DISP1: variants seen among roughly 807,000 people sequenced by gnomAD.
DISP1 encodes the protein protein dispatched homolog 1.
In DISP1, 30 loss-of-function variants were observed where a neutral mutation model predicts 37.3. The observed-to-expected ratio is 0.80, with a 90% CI of 0.60 to 1.09. The LOEUF (loss-of-function observed/expected upper bound fraction) is 1.09, where lower values mean the gene tolerates loss of function less well. Ranked by LOEUF, DISP1 falls within the 50% of genes least tolerant of loss-of-function variation. The pLI, the probability that DISP1 is intolerant of heterozygous loss-of-function variation, is 0.00. For synonymous variants in DISP1, 634 were observed against 690.2 expected (o/e 0.92, Z 1.28); for missense variants, 1,598 against 1,879.5 (o/e 0.85, Z 2.77).
At chr1:223,001,117 A>G (rs1176157441) in intron 8 of DISP1, among the ~76,000 whole-genome samples, 1 of 152,180 alleles carries the variant, frequency 6.6e-6, no homozygotes, top group Non-Finnish European at 1.5e-5. Flanking sequence ...ACTTTAATCT[A>G]GCAAACCAGT....
At chr1:222,998,263 T>C (rs1330789169) in intron 8 of DISP1, among the ~76,000 whole-genome samples, 2 of 151,384 alleles carry the variant, frequency 1.3e-5, no homozygotes, top group African/African-American at 4.9e-5. Context: ...CTGGTTGTTA[T>C]ATGGAAGCAC....
intron 4 of DISP1, among the ~76,000 whole-genome samples, chr1:222,986,118 T>C (rs1678256220): frequency 6.6e-6 from 1 of 152,112 alleles, no homozygotes; most frequent in African/African-American, 2.4e-5. Flanking sequence ...GAATAGTTAG[T>C]TGACTTGGGC....
rs1305161868 is a variant in DISP1 at position 222,839,819 on chromosome 1, G to C, written c.-159+24741G>C. Among the ~76,000 whole-genome samples the C allele has an allele frequency of 2.6e-5, 4 of 152,026 alleles. No homozygotes were observed. In the East Asian group the frequency reaches 7.7e-4, roughly 29 times the overall value. On this transcript the variant is annotated intron_variant, in intron 1 of 8. Coordinates refer to ENST00000675850, the MANE Select transcript of DISP1 (RefSeq NM_001377229.1). ...ATGGTGGCATGCGCCTGTAGTCCCA[G>C]GTACTCGGGAGGCTGAGGCAGGGGA...
intron 2 of DISP1, among the ~76,000 whole-genome samples, chr1:222,935,407 G>A (rs780046266): frequency 6.6e-6 from 1 of 152,116 alleles, no homozygotes; most frequent in Non-Finnish European, 1.5e-5. Context: ...TTATCAGAAA[G>A]CTCTCAAGAC....
At chr1:222,944,517 A>G (rs950842623) in intron 3 of DISP1, among the ~76,000 whole-genome samples, 10 of 152,254 alleles carry the variant, frequency 6.6e-5, no homozygotes, top group African/African-American at 2.4e-4. Flanking sequence ...GGAAATGTAC[A>G]GATTAATTAT....
chr1:222,989,650 G>A (rs1678540154), intron 4 of DISP1: 5 of 732,846 alleles, frequency 6.8e-6, no homozygotes, highest in African/African-American at 5.7e-5. Context: ...GAGAGTACAA[G>A]CATCAGATGT....
chr1:222,962,012 GAAAAA>G (rs147361599), intron 3 of DISP1, among the ~76,000 whole-genome samples: 1 of 149,154 alleles, frequency 6.7e-6, no homozygotes, highest in East Asian at 2.0e-4. Flanking sequence ...CTCAAAAAAA[GAAAAA>G]AAAAGAAGAA....
At chr1:222,823,909 T>C (rs1032089555) in intron 1 of DISP1, 3 of 149,612 alleles carry the variant, frequency 2.0e-5, no homozygotes, top group African/African-American at 7.4e-5. Context: ...GGAAGAATAA[T>C]GGGAGGAGAC....
chr1:222,950,922 C>T (rs1465613418), intron 3 of DISP1, among the ~76,000 whole-genome samples: 5 of 152,148 alleles, frequency 3.3e-5, no homozygotes, highest in South Asian at 2.1e-4. Context: ...CCTTTTAATT[C>T]GGTGTTGCAA....
chr1:222,881,977 A>G (rs982688790), intron 1 of DISP1, among the ~76,000 whole-genome samples: 11 of 152,242 alleles, frequency 7.2e-5, no homozygotes, highest in African/African-American at 2.4e-4. Flanking sequence ...TAAAAAAGGC[A>G]GTTAAGAAGA....
intron 1 of DISP1, among the ~76,000 whole-genome samples, chr1:222,900,858 C>T (rs1210925673): frequency 6.6e-6 from 1 of 152,100 alleles, no homozygotes; most frequent in East Asian, 1.9e-4. Flanking sequence ...GAAATCTATG[C>T]ACTATTTCTA....
chr1:222,926,134 A>G (rs535119985), intron 1 of DISP1, among the ~76,000 whole-genome samples: 9 of 152,174 alleles, frequency 5.9e-5, no homozygotes, highest in Admixed American at 2.0e-4. Context: ...TTTTGTCTCT[A>G]TGGATTTGCC....
At position 222,893,572 on chromosome 1, in the gene DISP1, C is replaced by A. The variant is rs1188962581; in HGVS notation, c.-158-34858C>A. On this transcript the variant is annotated intron_variant, in intron 1 of 8. Transcript: ENST00000675850. The surrounding 1 kb of genome is among the most constrained non-coding windows in gnomAD (Gnocchi z 4.3). ...TCAGCTGCTGTGGCAGGGCGGGCAG[C>A]CCCAGGCGCCGGCACTGACTCCATG... Among the ~76,000 whole-genome samples, 1 of 152,214 alleles carries A rather than the reference C, an allele frequency of 6.6e-6. No individual in the cohort carries two copies. The highest frequency in any genetic ancestry group is 6.5e-5 in the Admixed American group (1 of 15,288).
At chr1:222,819,635 G>A (rs539717698) in intron 1 of DISP1, among the ~76,000 whole-genome samples, 1 of 151,206 alleles carries the variant, frequency 6.6e-6, no homozygotes, top group East Asian at 1.9e-4. Flanking sequence ...CGCCTCCTGG[G>A]TTCAAACGAT....
At chr1:222,968,846 T>C (rs978651799) in intron 3 of DISP1, among the ~76,000 whole-genome samples, 8 of 152,100 alleles carry the variant, frequency 5.3e-5, no homozygotes, top group Admixed American at 5.2e-4. Flanking sequence ...GGCAGGAGAA[T>C]CGCTTGAGCT....
At position 222,936,784 on chromosome 1, in the gene DISP1, TAA is replaced by T. The variant is rs1491438063; in HGVS notation, c.-17-6022_-17-6021del. On this transcript the variant is annotated intron_variant, in intron 2 of 8. Coordinates refer to ENST00000675850, the MANE Select transcript of DISP1 (RefSeq NM_001377229.1). ...ATATAAAAATTATATATATCATATA[TAA>T]TATATATAATATATTATATATATAA... 2.2e-3 allele frequency among the ~76,000 whole-genome samples: 177 copies of T among 78,908 alleles called. 3 individuals carry two copies. The highest frequency in any genetic ancestry group is 8.1e-3 in the African/African-American group (161 of 19,794). The allele number at this position is 78,908 out of a possible 152,430, so 51.8% of individuals were successfully genotyped here.
intron 1 of DISP1, among the ~76,000 whole-genome samples, chr1:222,866,103 C>T (rs72742230): frequency 0.08 from 12,118 of 151,718 alleles, 547 homozygotes; most frequent in Admixed American, 0.13. Flanking sequence ...TCTTTTCCTC[C>T]TTTGAAAAAA....
At chr1:222,965,250 G>A (rs1300397231) in intron 3 of DISP1, among the ~76,000 whole-genome samples, 1 of 151,972 alleles carries the variant, frequency 6.6e-6, no homozygotes, top group Non-Finnish European at 1.5e-5. Flanking sequence ...TTCTCCATCG[G>A]TAAAATCTAT....
chr1:223,000,051 G>GGTTATTCAA (rs2102784114), intron 8 of DISP1, among the ~76,000 whole-genome samples: 1 of 152,258 alleles, frequency 6.6e-6, no homozygotes, highest in African/African-American at 2.4e-5. Context: ...TATTTGAAAA[G>GGTTATTCAA]GTTATTCAAG....
Sources: allele counts gnomAD v4.1 joint callset (sites outside exome capture counted in the v4.1 genomes callset), GRCh38; gene constraint gnomAD v4.1.1; non-coding constraint Gnocchi (gnomAD v3.1); transcripts MANE v1.5; gene names NCBI Gene and HGNC (gene_info 2026-07-23, HGNC 2026-07-21).